The following UACA variants were observed in gnomAD, a reference collection of about 807,000 sequenced individuals.
UACA encodes the protein nuclear membrane binding protein.
UACA carries 112 observed loss-of-function variants against 160.5 expected under a neutral mutation model. That is an observed-to-expected ratio of 0.70 (90% confidence interval 0.60 to 0.82). The LOEUF (loss-of-function observed/expected upper bound fraction) is 0.82, where lower values mean the gene tolerates loss of function less well. Among genes scored for constraint, UACA ranks in the 40% least tolerant of loss-of-function variants. The pLI is 0.00. For synonymous variants in UACA, 557 were observed against 568.4 expected (o/e 0.98, Z 0.29); for missense variants, 1,574 against 1,614.6 (o/e 0.97, Z 0.43).
intron 18 of UACA, among the ~76,000 whole-genome samples, chr15:70,657,767 T>C (rs1414569710): frequency 1.3e-5 from 2 of 151,626 alleles, no homozygotes; most frequent in African/African-American, 4.8e-5. Flanking sequence ...GCTGCTGAGG[T>C]TTTTTGTTTG....
chr15:70,713,071 G>A (rs900741075), intron 1 of UACA, among the ~76,000 whole-genome samples: 1 of 152,140 alleles, frequency 6.6e-6, no homozygotes, highest in Non-Finnish European at 1.5e-5. Context: ...AGAGCCGGGC[G>A]CAGTGGCTCA....
intron 1 of UACA, among the ~76,000 whole-genome samples, chr15:70,712,832 T>A (rs569869788): frequency 6.6e-6 from 1 of 152,192 alleles, no homozygotes; most frequent in African/African-American, 2.4e-5. Flanking sequence ...AAAAAAATCT[T>A]CAATGTAAAA....
At chr15:70,751,895 A>T (rs927441281) in intron 1 of UACA, among the ~76,000 whole-genome samples, 1 of 152,132 alleles carries the variant, frequency 6.6e-6, no homozygotes, top group African/African-American at 2.4e-5. Context: ...TTAATTTTTA[A>T]AAAAAAACAA....
intron 1 of UACA, among the ~76,000 whole-genome samples, chr15:70,745,993 T>C (rs1347832178): frequency 6.6e-6 from 1 of 152,090 alleles, no homozygotes; most frequent in African/African-American, 2.4e-5. Flanking sequence ...TCAAGATGAA[T>C]AAAAGATTTA....
intron 5 of UACA, among the ~76,000 whole-genome samples, chr15:70,688,625 A>C (rs540647739): frequency 2.6e-5 from 4 of 152,228 alleles, no homozygotes; most frequent in Non-Finnish European, 5.9e-5. Flanking sequence ...ACCTGAAAAC[A>C]TTAATTCAGG....
intron 1 of UACA, among the ~76,000 whole-genome samples, chr15:70,729,250 G>A (rs990944660): frequency 2.0e-5 from 3 of 152,116 alleles, no homozygotes; most frequent in African/African-American, 7.2e-5. Flanking sequence ...GTTCACTGCA[G>A]CACTATTCAC....
intron 1 of UACA, among the ~76,000 whole-genome samples, chr15:70,700,299 T>TTGTATATATATATATATATATATA (rs200862051): frequency 8.7e-5 from 10 of 114,402 alleles, no homozygotes; most frequent in South Asian, 7.4e-4. Flanking sequence ...TGGAGGCAAA[T>TTGTATATATATATATATATATATA]TGTATATATA....
intron 1 of UACA, among the ~76,000 whole-genome samples, chr15:70,723,266 G>C (rs1274934737): frequency 6.6e-6 from 1 of 152,256 alleles, no homozygotes; most frequent in African/African-American, 2.4e-5. Flanking sequence ...GGCCTAGAAT[G>C]GAGGGTCGCT....
Position 70,666,960 on chromosome 15 carries a change from T to C in UACA, c.3724A>G (p.Ser1242Gly). Residue 1242 changes from serine to glycine, a missense_variant, in exon 16 of 19, where the codon AGC becomes GGC. By Grantham distance (56) the Ser-to-Gly change is moderately conservative. Transcript: ENST00000322954. ...TKSDLETQISSLNEKLANLNR... is the reference protein window; with the variant it reads ...TKSDLETQISGLNEKLANLNR... ...AGATTGGCCAATTTTTCATTTAAGCTAGAAATCTGTGTCTCCAAATCACTT... is the reference window on the plus strand; with the variant it reads ...AGATTGGCCAATTTTTCATTTAAGCCAGAAATCTGTGTCTCCAAATCACTT... 6.2e-7 allele frequency: 1 copy of C among 1,612,678 alleles called. No individual in the cohort carries two copies. Among genetic ancestry groups the C allele is most frequent in the South Asian group, 1.1e-5 (1 of 90,604 alleles).
At chr15:70,703,390 C>T (rs918482274) in intron 1 of UACA, 12 of 737,598 alleles carry the variant, frequency 1.6e-5, no homozygotes, top group Non-Finnish European at 1.9e-5. Flanking sequence ...AAATCTGTTT[C>T]CTACTAAATT....
chr15:70,686,725 GAATAC>G (rs1011216408), intron 7 of UACA, among the ~76,000 whole-genome samples: 14 of 151,790 alleles, frequency 9.2e-5, no homozygotes, highest in Non-Finnish European at 1.8e-4. Flanking sequence ...ACAAACAATA[GAATAC>G]ATGTTTGGAA....
chr15:70,723,964 C>T (rs998932140), intron 1 of UACA, among the ~76,000 whole-genome samples: 4 of 152,166 alleles, frequency 2.6e-5, no homozygotes, highest in Non-Finnish European at 5.9e-5. Flanking sequence ...CCTCTGACTC[C>T]CCAGATTTTG....
At chr15:70,737,662 C>A (rs887016621) in intron 1 of UACA, among the ~76,000 whole-genome samples, 3 of 152,066 alleles carry the variant, frequency 2.0e-5, no homozygotes, top group African/African-American at 7.2e-5. Flanking sequence ...GAGCTGAGAT[C>A]GCGCCACTGT....
chr15:70,741,586 T>C (rs1899536501), intron 1 of UACA, among the ~76,000 whole-genome samples: 1 of 152,262 alleles, frequency 6.6e-6, no homozygotes, highest in Admixed American at 6.5e-5. Flanking sequence ...GTTTCTAATT[T>C]AAGCATGTGT....
At chr15:70,761,612 CTTTTAT>C (rs1320333874) in intron 1 of UACA, among the ~76,000 whole-genome samples, 1 of 152,124 alleles carries the variant, frequency 6.6e-6, no homozygotes, top group Non-Finnish European at 1.5e-5. Flanking sequence ...CCTCATTACG[CTTTTAT>C]TTTTAAATTG....
Position 70,684,450 on chromosome 15 carries a change from A to C in UACA, c.603-4T>G. 6.3e-7 allele frequency: 1 copy of C among 1,592,988 alleles called. No individual in the cohort carries two copies. ...GCAACCTAGCATGAGGGCAGTTCTAAATGGAAAAATGGAAGAGCAAAAGAC... is the reference window on the plus strand; with the variant it reads ...GCAACCTAGCATGAGGGCAGTTCTACATGGAAAAATGGAAGAGCAAAAGAC... On this transcript the variant is annotated splice_region_variant and splice_polypyrimidine_tract_variant and intron_variant, in intron 7 of 18. Coordinates refer to ENST00000322954, the MANE Select transcript of UACA (RefSeq NM_018003.4).
At position 70,692,676 on chromosome 15, in the gene UACA, T is replaced by C. The variant is rs549803473; in HGVS notation, c.302-1313A>G. Among the ~76,000 whole-genome samples the C allele has an allele frequency of 6.6e-5, 10 of 152,034 alleles. No homozygotes were observed. In the South Asian group the frequency reaches 1.5e-3, roughly 22 times the overall value. ...TCCCAGCGACTCAGAAGGCTGAGGG[T>C]AGAGGATCACTTAAGCACAGGAGGT... On this transcript the variant is annotated intron_variant, in intron 3 of 18. Coordinates refer to ENST00000322954, the MANE Select transcript of UACA (RefSeq NM_018003.4).
Position 70,655,152 on chromosome 15 carries a change from A to G in UACA, c.*1904T>C, listed in dbSNP as rs1036309356. On this transcript the variant is annotated 3_prime_UTR_variant, in exon 19 of 19. Transcript: ENST00000322954. The stretch of plus-strand genomic sequence containing the variant: ...TGGTTGAAAACAAAATAAAATACAC[A>G]TAAGGTTCCCTTCCCATCTCTAATA... The G allele has an allele frequency of 2.0e-5, 3 of 152,250 alleles. No homozygotes were observed. The highest frequency in any genetic ancestry group is 7.2e-5 in the African/African-American group (3 of 41,470). The allele number at this position is 152,250 out of a possible 1,614,324, so 9.4% of individuals were successfully genotyped here. A position where few individuals can be genotyped will look rare whatever the true frequency, so the allele number is the denominator to read the frequency against.
chr15:70,709,781 T>C (rs949184509), intron 1 of UACA, among the ~76,000 whole-genome samples: 1 of 152,234 alleles, frequency 6.6e-6, no homozygotes, highest in Non-Finnish European at 1.5e-5. Flanking sequence ...CAAATCCATA[T>C]GAAATACCTT....
Sources: gnomAD v4.1 joint callset for allele counts (sites outside exome capture counted in the v4.1 genomes callset) on GRCh38, gnomAD v4.1.1 for gene constraint, MANE v1.5 for transcripts, NCBI Gene and HGNC (gene_info 2026-07-23, HGNC 2026-07-21) for gene names.